The following SLIT3 variants were observed in gnomAD, a reference collection of about 807,000 sequenced individuals.
The protein encoded by SLIT3 is slit homolog 3 protein.
In SLIT3, 68 loss-of-function variants were observed where a neutral mutation model predicts 184.0. That is an observed-to-expected ratio of 0.37 (90% confidence interval 0.30 to 0.45). SLIT3 has a LOEUF of 0.45. Among genes scored for constraint, SLIT3 ranks in the 20% least tolerant of loss-of-function variants. The pLI is 1.00. For synonymous variants in SLIT3, 831 were observed against 828.6 expected (o/e 1.00, Z -0.05); for missense variants, 1,707 against 2,026.0 (o/e 0.84, Z 3.02).
At chr5:168,903,001 G>T (rs1760922391) in intron 4 of SLIT3, among the ~76,000 whole-genome samples, 1 of 152,172 alleles carries the variant, frequency 6.6e-6, no homozygotes, top group Admixed American at 6.5e-5. Flanking sequence ...CCATGGAAGG[G>T]TTTCCAGCAG....
intron 14 of SLIT3, among the ~76,000 whole-genome samples, chr5:168,766,042 C>T (rs867580263): frequency 6.6e-6 from 1 of 152,168 alleles, no homozygotes; most frequent in Admixed American, 6.5e-5. Context: ...GGGTGTGGGA[C>T]AGGTAGGGAG....
chr5:168,987,081 C>T (rs753433728), intron 4 of SLIT3, among the ~76,000 whole-genome samples: 8 of 152,158 alleles, frequency 5.3e-5, no homozygotes, highest in African/African-American at 9.7e-5. Context: ...TTATCAAACA[C>T]GGACTTGGCC....
At chr5:169,025,641 C>T (rs1034999814) in intron 4 of SLIT3, among the ~76,000 whole-genome samples, 1 of 152,184 alleles carries the variant, frequency 6.6e-6, no homozygotes, top group African/African-American at 2.4e-5. Context: ...CTGAGATTAA[C>T]TCTCTTTTGT....
chr5:169,011,472 G>A (rs756962142), intron 4 of SLIT3, among the ~76,000 whole-genome samples: 3 of 152,096 alleles, frequency 2.0e-5, no homozygotes, highest in Non-Finnish European at 2.9e-5. Context: ...ATTCCTCCGC[G>A]GCTCAATGAG....
At chr5:168,728,523 C>G (rs1403641273) in intron 20 of SLIT3, among the ~76,000 whole-genome samples, 1 of 151,848 alleles carries the variant, frequency 6.6e-6, no homozygotes, top group Non-Finnish European at 1.5e-5. Flanking sequence ...TAAAGAAGCT[C>G]AATGAGATGC....
chr5:169,248,240 C>A (rs115016329), intron 2 of SLIT3, among the ~76,000 whole-genome samples: 1 of 152,110 alleles, frequency 6.6e-6, no homozygotes, highest in Admixed American at 6.5e-5. Flanking sequence ...CTTAATCTTG[C>A]CCACACCGCT....
At chr5:168,913,973 C>T (rs1021470114) in intron 4 of SLIT3, among the ~76,000 whole-genome samples, 3 of 152,138 alleles carry the variant, frequency 2.0e-5, no homozygotes, top group Non-Finnish European at 4.4e-5. Flanking sequence ...TTCCTTTTCT[C>T]ACCTAACTGT....
intron 4 of SLIT3, among the ~76,000 whole-genome samples, chr5:169,107,339 T>C (rs1485133548): frequency 6.6e-6 from 1 of 152,254 alleles, no homozygotes; most frequent in Non-Finnish European, 1.5e-5. Context: ...TTATAGACCC[T>C]GATGCATTTC....
chr5:168,683,827 G>A, intron 32 of SLIT3, 139 bp downstream of exon 32: 1 of 729,974 alleles, frequency 1.4e-6, no homozygotes, highest in Non-Finnish European at 2.0e-6. Flanking sequence ...GAGGAAGTGT[G>A]TGTGTGCGCA....
At chr5:169,159,468 T>C (rs970338709) in intron 4 of SLIT3, among the ~76,000 whole-genome samples, 1 of 150,656 alleles carries the variant, frequency 6.6e-6, no homozygotes, top group African/African-American at 2.4e-5. Flanking sequence ...CAGAGACTGG[T>C]AGATTTTTTT....
At chr5:168,700,939 C>G (rs1426401125) in intron 26 of SLIT3, among the ~76,000 whole-genome samples, 2 of 152,174 alleles carry the variant, frequency 1.3e-5, no homozygotes, top group African/African-American at 4.8e-5. Flanking sequence ...GAATTTGCAC[C>G]CTTCTGTATC....
At chr5:168,838,387 C>CAT (rs1304724254) in intron 6 of SLIT3, among the ~76,000 whole-genome samples, 20 of 151,990 alleles carry the variant, frequency 1.3e-4, no homozygotes, top group Non-Finnish European at 2.8e-4. Context: ...TATCACAGTA[C>CAT]CTAAAGATGC....
intron 14 of SLIT3, chr5:168,772,570 TTGTG>T (rs538634517): frequency 1.8e-4 from 89 of 496,000 alleles, no homozygotes; most frequent in Admixed American, 2.7e-4. Context: ...CATGCTTTTA[TTGTG>T]TGTGTGTGTG....
intron 5 of SLIT3, among the ~76,000 whole-genome samples, chr5:168,873,743 A>G (rs895370782): frequency 5.9e-5 from 9 of 152,050 alleles, no homozygotes; most frequent in Non-Finnish European, 1.0e-4. Flanking sequence ...TATTTTCTCT[A>G]TTTTATAGAC....
intron 32 of SLIT3, among the ~76,000 whole-genome samples, chr5:168,676,096 C>T (rs1475289546): frequency 6.6e-6 from 1 of 152,020 alleles, no homozygotes; most frequent in Non-Finnish European, 1.5e-5. Context: ...TCTACCCACC[C>T]ACCCTCCTCT....
Position 168,661,878 on chromosome 5 carries a change from T to C in SLIT3, c.*4576A>G, listed in dbSNP as rs1280902646. 6.6e-6 allele frequency: 1 copy of C among 152,258 alleles called. No individual in the cohort carries two copies. Among genetic ancestry groups the C allele is most frequent in the Non-Finnish European group, 1.5e-5 (1 of 68,050 alleles). 9.4% of individuals were successfully genotyped at this position (152,258 alleles called of 1,614,324 possible). Reference sequence around the variant, plus strand: ...ATACTGGGGAAGTGCCACTATAACATTGTTTTAAAAAATCTTCAAAAATTT... The same window carrying C: ...ATACTGGGGAAGTGCCACTATAACACTGTTTTAAAAAATCTTCAAAAATTT... On this transcript the variant is annotated 3_prime_UTR_variant, in exon 36 of 36. Transcript: ENST00000519560.
intron 4 of SLIT3, among the ~76,000 whole-genome samples, chr5:169,077,592 C>T (rs942047649): frequency 6.6e-6 from 1 of 152,104 alleles, no homozygotes; most frequent in Non-Finnish European, 1.5e-5. Context: ...AATATCTGTT[C>T]ATTAACTGTT....
At chr5:168,759,820 C>CT (rs1449442400) in intron 16 of SLIT3, among the ~76,000 whole-genome samples, 4 of 152,162 alleles carry the variant, frequency 2.6e-5, no homozygotes, top group African/African-American at 7.2e-5. Flanking sequence ...TGAGGATGGA[C>CT]TTTACTTCCC....
At chr5:169,094,329 T>C (rs750343712) in intron 4 of SLIT3, among the ~76,000 whole-genome samples, 3 of 152,222 alleles carry the variant, frequency 2.0e-5, no homozygotes, top group Non-Finnish European at 4.4e-5. Context: ...CCAAATTGTT[T>C]TTCGAAGCTA....
Sources: allele counts gnomAD v4.1 joint callset (sites outside exome capture counted in the v4.1 genomes callset), GRCh38; gene constraint gnomAD v4.1.1; transcripts MANE v1.5; gene names NCBI Gene and HGNC (gene_info 2026-07-23, HGNC 2026-07-21).